CIRSR: variants seen among roughly 807,000 people sequenced by gnomAD.
CIRSR encodes CBF1 (RBPJ) interacting corepressor 1.
At chr2:174,375,428 T>G in the CIRSR span, among the ~76,000 whole-genome samples, 4 of 152,112 alleles carry the variant, frequency 2.6e-5, no homozygotes, top group African/African-American at 9.7e-5. Context: ...GGCAACATGG[T>G]GAAACCCCAT....
chr2:174,358,953 C>CAA, the CIRSR span, among the ~76,000 whole-genome samples: 3 of 152,176 alleles, frequency 2.0e-5, no homozygotes, highest in African/African-American at 2.4e-5. Flanking sequence ...TTCAGCCTCT[C>CAA]AAAGTGCTGG....
chr2:174,354,599 ATATAT>A, the CIRSR span, among the ~76,000 whole-genome samples: 9 of 20,324 alleles, frequency 4.4e-4, no homozygotes, highest in Non-Finnish European at 5.3e-4. Flanking sequence ...ATCATATAAT[ATATAT>A]TATATTATAT....
At chr2:174,358,270 TG>T in the CIRSR span, 1 of 152,216 alleles carries the variant, frequency 6.6e-6, no homozygotes, top group Non-Finnish European at 1.5e-5. Context: ...GAGGGAATCT[TG>T]CTCTATCGCC....
the CIRSR span, among the ~76,000 whole-genome samples, chr2:174,386,489 G>C: frequency 6.6e-6 from 1 of 152,072 alleles, no homozygotes; most frequent in Admixed American, 6.5e-5. Flanking sequence ...ACCAAATTAG[G>C]GTTTTTAAAC....
At chr2:174,364,716 A>G in the CIRSR span, among the ~76,000 whole-genome samples, 2 of 152,128 alleles carry the variant, frequency 1.3e-5, no homozygotes, top group South Asian at 4.1e-4. Context: ...CTCTGAAGCC[A>G]TGTCCCAAGA....
the CIRSR span, chr2:174,351,557 T>C: frequency 1.2e-5 from 16 of 1,384,954 alleles, no homozygotes; most frequent in Non-Finnish European, 1.6e-5. Context: ...TAAGTAGCAA[T>C]TCACAAGCAA....
the CIRSR span, chr2:174,380,549 C>T: frequency 9.8e-7 from 1 of 1,020,658 alleles, no homozygotes; most frequent in South Asian, 1.5e-5. Flanking sequence ...CTTTTCACAT[C>T]AGTTGCCTCC....
the CIRSR span, among the ~76,000 whole-genome samples, chr2:174,395,371 G>T: frequency 3.9e-5 from 6 of 152,300 alleles, no homozygotes; most frequent in African/African-American, 1.4e-4. Flanking sequence ...CAGAATAAAC[G>T]CTGAGGACCC....
the CIRSR span, among the ~76,000 whole-genome samples, chr2:174,354,168 A>G: frequency 6.6e-6 from 1 of 151,464 alleles, no homozygotes; most frequent in Non-Finnish European, 1.5e-5. Context: ...TCTAGCATTT[A>G]TATTTTTCAA....
At chr2:174,354,511 TCATATA>T in the CIRSR span, among the ~76,000 whole-genome samples, 2 of 17,084 alleles carry the variant, frequency 1.2e-4, no homozygotes, top group South Asian at 5.3e-3. Flanking sequence ...ATTATATATA[TCATATA>T]ATATATTTTA....
the CIRSR span, chr2:174,380,572 A>G: frequency 7.5e-7 from 1 of 1,341,234 alleles, no homozygotes; most frequent in East Asian, 2.3e-5. Flanking sequence ...TAATGATTGA[A>G]AAAGCAACAT....
the CIRSR span, among the ~76,000 whole-genome samples, chr2:174,372,837 C>A: frequency 1.3e-5 from 2 of 152,278 alleles, no homozygotes; most frequent in East Asian, 3.9e-4. Flanking sequence ...CTGCCTTGGC[C>A]TCCCGAAGAG....
chr2:174,385,233 A>C, the CIRSR span, among the ~76,000 whole-genome samples: 51,854 of 143,770 alleles, frequency 0.36, 10,006 homozygotes, highest in East Asian at 0.68. Context: ...AAAAAAAAAA[A>C]AAAATTTTTT....
chr2:174,380,874 T>C, the CIRSR span: 5 of 1,373,278 alleles, frequency 3.6e-6, no homozygotes, highest in Non-Finnish European at 5.1e-6. Context: ...AACTTCAATA[T>C]AAAAATCTAC....
the CIRSR span, among the ~76,000 whole-genome samples, chr2:174,363,720 T>C: frequency 6.6e-6 from 1 of 152,124 alleles, no homozygotes; most frequent in Non-Finnish European, 1.5e-5. Flanking sequence ...GAGAGAGAGC[T>C]TGTGCAGGGG....
chr2:174,352,720 T>C, the CIRSR span, among the ~76,000 whole-genome samples: 1 of 152,212 alleles, frequency 6.6e-6, no homozygotes, highest in African/African-American at 2.4e-5. Flanking sequence ...AATGACAACA[T>C]TTCATGGCAG....
At chr2:174,369,663 T>C in the CIRSR span, among the ~76,000 whole-genome samples, 1 of 152,332 alleles carries the variant, frequency 6.6e-6, no homozygotes, top group Middle Eastern at 3.4e-3. Flanking sequence ...TGGTTATTAA[T>C]TGCCTAAATT....
chr2:174,349,654 T>G, the CIRSR span, among the ~76,000 whole-genome samples: 2 of 151,892 alleles, frequency 1.3e-5, no homozygotes, highest in African/African-American at 2.4e-5. Context: ...TTTAAAATTA[T>G]TCAAAGCGTG....
chr2:174,389,135 C>G, the CIRSR span, among the ~76,000 whole-genome samples: 1 of 151,998 alleles, frequency 6.6e-6, no homozygotes, highest in African/African-American at 2.4e-5. Context: ...AAAAGGATAC[C>G]CGAAAATGTG....
Sources: gnomAD v4.1 joint callset for allele counts (sites outside exome capture counted in the v4.1 genomes callset) on GRCh38, gnomAD v4.1.1 for gene constraint, MANE v1.5 for transcripts, NCBI Gene and HGNC (gene_info 2026-07-23, HGNC 2026-07-21) for gene names.